The following TRABD2B variants were observed in gnomAD, a reference collection of about 807,000 sequenced individuals.
TRABD2B encodes the protein TraB domain containing 2B.
In TRABD2B, 14 loss-of-function variants were observed where a neutral mutation model predicts 40.1. That is an observed-to-expected ratio of 0.35 (90% CI 0.23 to 0.55). The LOEUF (loss-of-function observed/expected upper bound fraction) is 0.55. Ranked by LOEUF, TRABD2B falls within the 20% of genes least tolerant of loss-of-function variation. The pLI is 0.90. For synonymous variants in TRABD2B, 263 were observed against 277.0 expected, an observed-to-expected ratio of 0.95 and a Z score of 0.50; for missense variants, 541 against 648.6, an observed-to-expected ratio of 0.83 and a Z score of 1.80.
At chr1:47,899,702 G>A (rs1319497964) in intron 2 of TRABD2B, among the ~76,000 whole-genome samples, 1 of 152,128 alleles carries the variant, frequency 6.6e-6, no homozygotes, top group Non-Finnish European at 1.5e-5. Flanking sequence ...GGTGGTGGTG[G>A]TGTGTGTGGT....
chr1:47,988,193 T>C (rs934620623), intron 2 of TRABD2B, among the ~76,000 whole-genome samples: 2 of 151,898 alleles, frequency 1.3e-5, no homozygotes, highest in African/African-American at 2.4e-5. Flanking sequence ...TTCTGAAAGG[T>C]GGGAGCATAC....
chr1:47,942,574 C>A lies in TRABD2B; in HGVS notation c.666+51460G>T, dbSNP rs137924474. Reference sequence around the variant, plus strand: ...GACATCCCTCACCACCCACCTACTGCCCTCCTGATCAGAAGAAATCTCCCA... The same window carrying A: ...GACATCCCTCACCACCCACCTACTGACCTCCTGATCAGAAGAAATCTCCCA... On this transcript the variant is annotated intron_variant, in intron 2 of 6. Transcript: ENST00000606738. Among the ~76,000 whole-genome samples the A allele has an allele frequency of 5.9e-3, 895 of 152,254 alleles. 3 individuals are homozygous for A. The highest frequency in any genetic ancestry group is 0.01 in the Middle Eastern group (3 of 294).
At position 47,970,802 on chromosome 1, in the gene TRABD2B, T is replaced by C. The variant is rs139204534; in HGVS notation, c.666+23232A>G. On this transcript the variant is annotated intron_variant, in intron 2 of 6. Coordinates refer to ENST00000606738, the MANE Select transcript of TRABD2B (RefSeq NM_001194986.2). ...GAAGAGGCAGCAGCTACATGGAAGA[T>C]TCCCTTCTCATGGTGATGGCAGAGG... Among the ~76,000 whole-genome samples the C allele has an allele frequency of 1.3e-4, 20 of 152,244 alleles. No individual in the cohort carries two copies. In the East Asian group the frequency reaches 2.3e-3, roughly 18 times the overall value.
chr1:47,814,114 A>T (rs1324927797), intron 2 of TRABD2B, among the ~76,000 whole-genome samples: 1 of 152,256 alleles, frequency 6.6e-6, no homozygotes, highest in Non-Finnish European at 1.5e-5. Context: ...CAGAAGGGAA[A>T]GAAAAGGAAT....
intron 2 of TRABD2B, among the ~76,000 whole-genome samples, chr1:47,956,993 C>T (rs1049357306): frequency 1.3e-5 from 2 of 152,192 alleles, no homozygotes; most frequent in African/African-American, 2.4e-5. Flanking sequence ...ACCGGGTGCC[C>T]CTCTGAGACA....
chr1:47,939,106 G>T (rs956453424), intron 2 of TRABD2B, among the ~76,000 whole-genome samples: 5 of 152,120 alleles, frequency 3.3e-5, no homozygotes, highest in Admixed American at 2.6e-4. Context: ...AGACCACATG[G>T]TGAGGAGCCT....
At chr1:47,888,290 C>T (rs1430791853) in intron 2 of TRABD2B, among the ~76,000 whole-genome samples, 1 of 152,208 alleles carries the variant, frequency 6.6e-6, no homozygotes, top group Non-Finnish European at 1.5e-5. Flanking sequence ...CTGGGTTCTC[C>T]CGTGGAATTC....
intron 2 of TRABD2B, among the ~76,000 whole-genome samples, chr1:47,963,082 C>A (rs1645545740): frequency 6.6e-6 from 1 of 152,230 alleles, no homozygotes; most frequent in South Asian, 2.1e-4. Flanking sequence ...CCATTAGATG[C>A]AGGGAGACCA....
chr1:47,905,985 G>A (rs1305003437), intron 2 of TRABD2B, among the ~76,000 whole-genome samples: 1 of 152,192 alleles, frequency 6.6e-6, no homozygotes, highest in Admixed American at 6.5e-5. Flanking sequence ...TGGGCTTAGA[G>A]GTCTTCCAGC....
intron 2 of TRABD2B, among the ~76,000 whole-genome samples, chr1:47,864,755 T>G (rs1401527513): frequency 6.6e-6 from 1 of 152,048 alleles, no homozygotes; most frequent in African/African-American, 2.4e-5. Flanking sequence ...CTGCTCCTGC[T>G]GTGGGTGGTA....
At chr1:47,956,282 C>T (rs1645420404) in intron 2 of TRABD2B, among the ~76,000 whole-genome samples, 1 of 152,178 alleles carries the variant, frequency 6.6e-6, no homozygotes, top group Non-Finnish European at 1.5e-5. Flanking sequence ...GTCTACAGCT[C>T]CCAGGGTGAG....
intron 4 of TRABD2B, among the ~76,000 whole-genome samples, chr1:47,782,344 T>A (rs1644536357): frequency 6.6e-6 from 1 of 152,158 alleles, no homozygotes. Context: ...CACCATCACC[T>A]TCTGCCTGAA....
At chr1:47,777,491 A>G (rs1247745031) in intron 5 of TRABD2B, among the ~76,000 whole-genome samples, 2 of 152,154 alleles carry the variant, frequency 1.3e-5, no homozygotes, top group Non-Finnish European at 2.9e-5. Flanking sequence ...GAGGCCCTGG[A>G]GCCAGACTGC....
Position 47,765,721 on chromosome 1 carries a change from G to T in TRABD2B, c.*181C>A. ...GCCCCATAGCACTATGGGAAATTAA[G>T]ATCCTTCTACAAAAAAGAAGATGTA... is the stretch of plus-strand genomic sequence containing the variant. On this transcript the variant is annotated 3_prime_UTR_variant, in exon 7 of 7. Coordinates refer to ENST00000606738, the MANE Select transcript of TRABD2B (RefSeq NM_001194986.2). The T allele has an allele frequency of 1.6e-6, 1 of 623,628 alleles. No homozygotes were observed. The highest frequency in any genetic ancestry group is 2.9e-6 in the Non-Finnish European group (1 of 348,668). 38.6% of individuals were successfully genotyped at this position (623,628 alleles called of 1,614,324 possible).
At chr1:47,856,481 C>T (rs953267351) in intron 2 of TRABD2B, among the ~76,000 whole-genome samples, 2 of 152,240 alleles carry the variant, frequency 1.3e-5, no homozygotes, top group African/African-American at 2.4e-5. Flanking sequence ...GCTTAGAATA[C>T]CATCTCCCTC....
intron 2 of TRABD2B, among the ~76,000 whole-genome samples, chr1:47,951,514 T>C (rs1645343859): frequency 6.6e-6 from 1 of 152,176 alleles, no homozygotes; most frequent in African/African-American, 2.4e-5. Flanking sequence ...CCTACACTCC[T>C]GCTGCCAGGT....
At chr1:47,866,616 C>T (rs1557623741) in intron 2 of TRABD2B, among the ~76,000 whole-genome samples, 1 of 152,146 alleles carries the variant, frequency 6.6e-6, no homozygotes, top group Non-Finnish European at 1.5e-5. Context: ...CCAAACCCTT[C>T]CTAGTCTAGG....
intron 3 of TRABD2B, 30 bp from the exon 4 acceptor site, chr1:47,794,790 GTT>G (rs555844964): frequency 0.034 from 38,544 of 1,123,620 alleles, 98 homozygotes; most frequent in African/African-American, 0.086. Context: ...GCTGCCTTCA[GTT>G]TTTTTTTTTT....
chr1:47,859,856 C>A (rs1040951895), intron 2 of TRABD2B, among the ~76,000 whole-genome samples: 6 of 152,220 alleles, frequency 3.9e-5, no homozygotes, highest in African/African-American at 1.4e-4. Context: ...CTCACATCGA[C>A]AACTCTTCAC....
Sources: allele counts gnomAD v4.1 joint callset (sites outside exome capture counted in the v4.1 genomes callset), GRCh38; gene constraint gnomAD v4.1.1; transcripts MANE v1.5; gene names NCBI Gene and HGNC (gene_info 2026-07-23, HGNC 2026-07-21).